HMBOX1: variants seen among roughly 807,000 people sequenced by gnomAD.
HMBOX1 encodes the protein homeobox-containing protein 1.
HMBOX1 carries 14 observed loss-of-function variants against 54.5 expected under a neutral mutation model. The observed-to-expected ratio is 0.26, with a 90% CI of 0.17 to 0.40. The LOEUF (loss-of-function observed/expected upper bound fraction) is 0.40. Among genes scored for constraint, HMBOX1 ranks in the 10% least tolerant of loss-of-function variants. HMBOX1 has a pLI of 1.00. For missense variants in HMBOX1, 332 were observed against 514.4 expected (o/e 0.65, Z 3.43); for synonymous variants, 160 against 181.0 (o/e 0.88, Z 0.93).
At chr8:29,008,864 C>G (rs763928509) in intron 4 of HMBOX1, among the ~76,000 whole-genome samples, 38 of 152,128 alleles carry the variant, frequency 2.5e-4, no homozygotes, top group Middle Eastern at 3.2e-3. Context: ...AATAAACTGC[C>G]TTGACGTTGA....
chr8:28,911,459 G>A (rs1472116420), intron 1 of HMBOX1, among the ~76,000 whole-genome samples: 3 of 152,316 alleles, frequency 2.0e-5, no homozygotes, highest in African/African-American at 7.2e-5. Flanking sequence ...GGGTTCAAGC[G>A]ATTCTCCTGC....
rs1810656652 is a variant in HMBOX1, at chr8:28,890,434, G to A, written c.-302G>A. 1 of 158,720 alleles carries A rather than the reference G, an allele frequency of 6.3e-6. No individual in the cohort carries two copies. Among genetic ancestry groups the A allele is most frequent in the Non-Finnish European group, 1.4e-5 (1 of 70,936 alleles). The allele number at this position is 158,720 out of a possible 1,614,324, so 9.8% of individuals were successfully genotyped here. A position where few individuals can be genotyped will look rare whatever the true frequency, so the allele number is the denominator to read the frequency against. ...GGCGGTTGTCAGCCAGACAAAGACA[G>A]TCAGTCTGATGTGATTGAGACAAGG... On this transcript the variant is annotated 5_prime_UTR_variant, in exon 1 of 10. Transcript: ENST00000287701.
chr8:28,899,757 C>A (rs1480466138), intron 1 of HMBOX1, among the ~76,000 whole-genome samples: 4 of 152,112 alleles, frequency 2.6e-5, no homozygotes, highest in Non-Finnish European at 5.9e-5. Context: ...TATTATATTA[C>A]CAAACCAGGG....
Position 29,045,428 on chromosome 8 carries a change from G to A in HMBOX1, c.919G>A (p.Val307Ile). 1 of 1,614,020 alleles carries A rather than the reference G, an allele frequency of 6.2e-7. No individual in the cohort carries two copies. The highest frequency in any genetic ancestry group is 8.5e-7 in the Non-Finnish European group (1 of 1,179,850). The change falls in exon 7 of 10, where the codon GTT (valine) becomes ATT (isoleucine). Residue 307 changes from valine to isoleucine, a missense_variant. Around this residue, in one of 4 missense-constraint regions of HMBOX1, gnomAD observed 117 missense variants for 220.0 expected, o/e 0.53. Transcript: ENST00000287701. ...REEIANACNA[V>I]IQKPGKKLSD... ...AGAAATTGCAAACGCTTGCAATGCAGTTATACAGAAGCCAGGTAAGGTCGC... is the reference window on the plus strand; with the variant it reads ...AGAAATTGCAAACGCTTGCAATGCAATTATACAGAAGCCAGGTAAGGTCGC...
intron 4 of HMBOX1, among the ~76,000 whole-genome samples, chr8:28,998,416 A>G (rs549222946): frequency 7.2e-5 from 11 of 152,116 alleles, no homozygotes; most frequent in African/African-American, 2.6e-4. Flanking sequence ...TTCTAGTAAC[A>G]AGTTTTATCT....
At chr8:28,891,774 C>T (rs1461159408) in intron 1 of HMBOX1, 1 of 152,290 alleles carries the variant, frequency 6.6e-6, no homozygotes, top group Non-Finnish European at 1.5e-5. Context: ...TGGAATGGAA[C>T]AGTGAAGAAG....
At chr8:28,920,449 C>A (rs914187001) in intron 1 of HMBOX1, among the ~76,000 whole-genome samples, 1 of 151,972 alleles carries the variant, frequency 6.6e-6, no homozygotes, top group Non-Finnish European at 1.5e-5. Flanking sequence ...TTTTGTGTTG[C>A]CATAATGGAA....
intron 4 of HMBOX1, among the ~76,000 whole-genome samples, chr8:28,988,234 G>A (rs983101692): frequency 7.2e-5 from 11 of 152,110 alleles, no homozygotes; most frequent in African/African-American, 2.7e-4. Flanking sequence ...TTTAAGATTC[G>A]TGAGTGTTGT....
intron 5 of HMBOX1, among the ~76,000 whole-genome samples, chr8:29,014,183 A>G (rs1324968735): frequency 6.6e-6 from 1 of 152,158 alleles, no homozygotes; most frequent in African/African-American, 2.4e-5. Flanking sequence ...AGTTATGAAA[A>G]GAGTTTTGGG....
intron 4 of HMBOX1, among the ~76,000 whole-genome samples, chr8:28,995,239 G>A (rs985859447): frequency 6.6e-6 from 1 of 152,018 alleles, no homozygotes; most frequent in African/African-American, 2.4e-5. Flanking sequence ...ACAAACTTCC[G>A]GACATTTCAT....
intron 3 of HMBOX1, among the ~76,000 whole-genome samples, chr8:28,973,803 G>T (rs1586197821): frequency 1.8e-4 from 13 of 72,652 alleles, no homozygotes; most frequent in South Asian, 1.5e-3. Flanking sequence ...ACATAATGGA[G>T]TTTTTTTTTT....
chr8:29,049,949 C>A (rs555481318), intron 9 of HMBOX1, among the ~76,000 whole-genome samples: 103 of 152,320 alleles, frequency 6.8e-4, no homozygotes, highest in African/African-American at 2.4e-3. Context: ...CAAGTGTGTG[C>A]TGATCCCTTT....
intron 1 of HMBOX1, among the ~76,000 whole-genome samples, chr8:28,924,377 G>T (rs2131826340): frequency 6.6e-6 from 1 of 151,760 alleles, no homozygotes; most frequent in African/African-American, 2.4e-5. Flanking sequence ...CAAAGTGCTG[G>T]GATTACAGGT....
chr8:29,043,804 G>C (rs1253066003), intron 6 of HMBOX1, among the ~76,000 whole-genome samples: 2 of 152,154 alleles, frequency 1.3e-5, no homozygotes, highest in South Asian at 2.1e-4. Context: ...ATAGGGCAGA[G>C]ACAAAAGCCA....
intron 1 of HMBOX1, among the ~76,000 whole-genome samples, chr8:28,905,522 A>G (rs1268522057): frequency 6.6e-6 from 1 of 152,246 alleles, no homozygotes; most frequent in East Asian, 1.9e-4. Context: ...TTCAAAAGAT[A>G]ATAATGCTCT....
At chr8:28,980,738 A>G (rs556013062) in intron 4 of HMBOX1, among the ~76,000 whole-genome samples, 3 of 152,128 alleles carry the variant, frequency 2.0e-5, no homozygotes, top group Non-Finnish European at 4.4e-5. Context: ...TTTTTTAATG[A>G]CGTTCTTAAA....
chr8:28,996,396 T>C (rs1563548593), intron 4 of HMBOX1, among the ~76,000 whole-genome samples: 1 of 152,148 alleles, frequency 6.6e-6, no homozygotes, highest in Non-Finnish European at 1.5e-5. Flanking sequence ...GCAAATATTT[T>C]CTCCCATGTT....
intron 4 of HMBOX1, among the ~76,000 whole-genome samples, chr8:29,005,791 T>TAA (rs1833367662): frequency 6.6e-6 from 1 of 152,184 alleles, no homozygotes; most frequent in South Asian, 2.1e-4. Context: ...TAGTCGTATC[T>TAA]GTTTTATAAC....
At chr8:29,005,278 C>T (rs886812115) in intron 4 of HMBOX1, among the ~76,000 whole-genome samples, 3 of 152,034 alleles carry the variant, frequency 2.0e-5, no homozygotes, top group African/African-American at 7.2e-5. Context: ...CAGTAAAGCT[C>T]TGTATTTAGT....
Sources: gnomAD v4.1 joint callset for allele counts (sites outside exome capture counted in the v4.1 genomes callset) on GRCh38, gnomAD v4.1.1 for gene constraint, gnomAD v4.1.1 regional missense constraint, MANE v1.5 for transcripts, NCBI Gene and HGNC (gene_info 2026-07-23, HGNC 2026-07-21) for gene names.